The following GPATCH8 variants were observed in gnomAD, a reference collection of about 807,000 sequenced individuals.
The protein encoded by GPATCH8 is G-patch domain containing 8.
In GPATCH8, 18 loss-of-function variants were observed where a neutral mutation model predicts 118.3. That is an observed-to-expected ratio of 0.15 (90% CI 0.11 to 0.23). The LOEUF (loss-of-function observed/expected upper bound fraction) is 0.23. Among genes scored for constraint, GPATCH8 ranks in the 10% least tolerant of loss-of-function variants. The pLI is 1.00. For synonymous variants in GPATCH8, 659 were observed against 684.7 expected, an observed-to-expected ratio of 0.96 and a Z score of 0.59; for missense variants, 1,631 against 1,873.8, an observed-to-expected ratio of 0.87 and a Z score of 2.39.
At chr17:44,478,152 A>G (rs778755918) in intron 1 of GPATCH8, among the ~76,000 whole-genome samples, 3 of 152,174 alleles carry the variant, frequency 2.0e-5, no homozygotes, top group Non-Finnish European at 2.9e-5. Context: ...ATTTACCTCC[A>G]AACACCTGCT....
At position 44,399,662 on chromosome 17, in the gene GPATCH8, G is replaced by A. The variant is rs201127824; in HGVS notation, c.2415C>T (p.Ser805=). The change falls in exon 8 of 8, where the codon AGC becomes AGT. Residue 805 remains serine (S), a synonymous_variant. Transcript: ENST00000591680. ...CQRRAGTKRS[S]RSSHRSQPSS... ...TGGGTTGGCTCCGATGGCTAGACCG[G>A]CTGCTCCGTTTGGTGCCTGCTCTTC... The A allele has an allele frequency of 2.1e-4, 344 of 1,614,032 alleles. 1 individual carries two copies. The highest frequency in any genetic ancestry group is 8.3e-5 in the Admixed American group (5 of 60,002).
At chr17:44,420,521 C>A (rs1036324142) in intron 6 of GPATCH8, among the ~76,000 whole-genome samples, 2 of 152,126 alleles carry the variant, frequency 1.3e-5, no homozygotes, top group Non-Finnish European at 2.9e-5. Flanking sequence ...AGTATCACAC[C>A]CTTAGTTGGG....
chr17:44,442,297 T>C (rs1339107443), intron 3 of GPATCH8, among the ~76,000 whole-genome samples: 1 of 150,758 alleles, frequency 6.6e-6, no homozygotes, highest in African/African-American at 2.4e-5. Flanking sequence ...TCTGACCAGC[T>C]GGAACTTCAG....
rs759872076 is a variant in GPATCH8, at chr17:44,424,341, CA to C, written c.492+7del. The C allele has an allele frequency of 1.9e-6, 3 of 1,580,684 alleles. No homozygotes were observed. In the South Asian group the frequency reaches 3.3e-5, roughly 17 times the overall value. On this transcript the variant is annotated splice_region_variant and intron_variant, in intron 6 of 7. Coordinates refer to ENST00000591680, the MANE Select transcript of GPATCH8 (RefSeq NM_001002909.4). The stretch of plus-strand genomic sequence containing the variant: ...ACCTTCTTCTGTTAGCAAGTAACTA[CA>C]ACTCACCTGCTTGTGTGCATGATCA...
Position 44,397,835 on chromosome 17 carries a change from G to A in GPATCH8, c.4242C>T (p.Thr1414=). The A allele has an allele frequency of 1.3e-6, 2 of 1,595,418 alleles. No homozygotes were observed. The highest frequency in any genetic ancestry group is 1.7e-6 in the Non-Finnish European group (2 of 1,167,714). ...QVHHIPQPHL[T]PISLSHLTHS... The stretch of plus-strand genomic sequence containing the variant: ...GAGTGAGGTGGGACAAAGAAATGGG[G>A]GTCAGATGGGGCTGGGGAATATGAT... Residue 1414 remains threonine, a synonymous_variant, in exon 8 of 8, where the codon ACC becomes ACT. Transcript: ENST00000591680.
intron 3 of GPATCH8, among the ~76,000 whole-genome samples, chr17:44,453,315 G>C (rs958383614): frequency 6.6e-6 from 1 of 152,076 alleles, no homozygotes; most frequent in African/African-American, 2.4e-5. Context: ...GCTTACCCTT[G>C]GGCAACATAT....
intron 6 of GPATCH8, among the ~76,000 whole-genome samples, chr17:44,411,230 T>C (rs1273275636): frequency 6.6e-6 from 1 of 152,184 alleles, no homozygotes; most frequent in Non-Finnish European, 1.5e-5. Flanking sequence ...CCTCTTTCTA[T>C]AGTGGTTAGA....
At chr17:44,467,175 T>C (rs2051799879) in intron 2 of GPATCH8, 1 of 439,692 alleles carries the variant, frequency 2.3e-6, no homozygotes, top group Admixed American at 4.0e-5. Context: ...CTAATGGTCG[T>C]TTTTTTTTTT....
intron 1 of GPATCH8, among the ~76,000 whole-genome samples, chr17:44,485,725 A>G (rs956885239): frequency 2.0e-5 from 3 of 151,444 alleles, no homozygotes; most frequent in Non-Finnish European, 4.4e-5. Context: ...CTTGTCTGAC[A>G]CTCCTTCTCT....
chr17:44,499,351 T>C (rs1969893492), intron 1 of GPATCH8, among the ~76,000 whole-genome samples: 1 of 151,950 alleles, frequency 6.6e-6, no homozygotes, highest in Admixed American at 6.6e-5. Flanking sequence ...ATGCCTGAAA[T>C]CCCAGCTACT....
intron 3 of GPATCH8, among the ~76,000 whole-genome samples, chr17:44,442,652 A>G (rs1211042947): frequency 6.6e-6 from 1 of 152,188 alleles, no homozygotes; most frequent in Non-Finnish European, 1.5e-5. Flanking sequence ...TTTAGTAGAG[A>G]TGGGGTTTCA....
At chr17:44,406,881 G>C (rs2049252692) in intron 6 of GPATCH8, among the ~76,000 whole-genome samples, 1 of 152,192 alleles carries the variant, frequency 6.6e-6, no homozygotes, top group Non-Finnish European at 1.5e-5. Context: ...AAAAAGAACA[G>C]TGTTATGACA....
At chr17:44,420,527 T>C (rs1246056377) in intron 6 of GPATCH8, among the ~76,000 whole-genome samples, 3 of 152,094 alleles carry the variant, frequency 2.0e-5, no homozygotes, top group East Asian at 1.9e-4. Context: ...ACACCCTTAG[T>C]TGGGACAACC....
At chr17:44,402,389 T>C (rs559268157) in intron 7 of GPATCH8, among the ~76,000 whole-genome samples, 6 of 151,786 alleles carry the variant, frequency 4.0e-5, no homozygotes, top group African/African-American at 1.4e-4. Flanking sequence ...ATCATTACTA[T>C]GTTTCTGATC....
At chr17:44,461,645 T>C (rs184111015) in intron 3 of GPATCH8, among the ~76,000 whole-genome samples, 1 of 152,282 alleles carries the variant, frequency 6.6e-6, no homozygotes, top group Admixed American at 6.5e-5. Context: ...ACCTAACTCC[T>C]CTTTTCAAGA....
intron 3 of GPATCH8, among the ~76,000 whole-genome samples, chr17:44,451,012 T>C (rs1232681241): frequency 1.3e-5 from 2 of 152,222 alleles, no homozygotes; most frequent in Non-Finnish European, 2.9e-5. Context: ...TTATACTGTA[T>C]TAAATTTGTT....
chr17:44,399,781 T>A lies in GPATCH8; in HGVS notation c.2296A>T (p.Ser766Cys), dbSNP rs1450313655. The change falls in exon 8 of 8, where the codon AGT (serine) becomes TGT (cysteine). Residue 766 changes from serine to cysteine, a missense_variant. This residue lies in a region of GPATCH8 where 922 missense variants were observed against 879.7 expected (regional missense o/e 1.05). Transcript: ENST00000591680. Reference protein sequence around the residue: ...RRSLPAEEGSSGKKDEGGGGS... With the variant: ...RRSLPAEEGSCGKKDEGGGGS... ...CCCCCACCTTCATCCTTTTTGCCACTGCTCCCCTCTTCAGCTGGGAGGGAT... is the reference window on the plus strand; with the variant it reads ...CCCCCACCTTCATCCTTTTTGCCACAGCTCCCCTCTTCAGCTGGGAGGGAT... The A allele has an allele frequency of 1.2e-6, 2 of 1,613,660 alleles. No homozygotes were observed. Among genetic ancestry groups the A allele is most frequent in the Non-Finnish European group, 1.7e-6 (2 of 1,179,852 alleles).
chr17:44,434,913 G>A, intron 5 of GPATCH8, 152 bp downstream of exon 5: 2 of 677,070 alleles, frequency 3.0e-6, no homozygotes. Context: ...CCAATAAATA[G>A]GAATGTAATA....
At chr17:44,475,008 T>C in intron 1 of GPATCH8, 105 bp from the exon 2 acceptor site, 1 of 681,162 alleles carries the variant, frequency 1.5e-6, no homozygotes, top group Admixed American at 2.2e-5. Context: ...TTTTTTTTTT[T>C]AACCTAAAAG....
Sources: gnomAD v4.1 joint callset for allele counts (sites outside exome capture counted in the v4.1 genomes callset) on GRCh38, gnomAD v4.1.1 for gene constraint, gnomAD v4.1.1 regional missense constraint, MANE v1.5 for transcripts, NCBI Gene and HGNC (gene_info 2026-07-23, HGNC 2026-07-21) for gene names.